The following SESN1 variants were observed in gnomAD, a reference collection of about 807,000 sequenced individuals.
SESN1 encodes the protein sestrin 1, also known as sestrin-1.
In SESN1, 30 loss-of-function variants were observed where a neutral mutation model predicts 59.3. That is an observed-to-expected ratio of 0.51 (90% CI 0.38 to 0.69). The LOEUF is 0.69. Among genes scored for constraint, SESN1 ranks in the 30% least tolerant of loss-of-function variants. The pLI, the probability that SESN1 is intolerant of heterozygous loss-of-function variation, is 0.00. For synonymous variants in SESN1, 197 were observed against 219.9 expected, an observed-to-expected ratio of 0.90 and a Z score of 0.92; for missense variants, 566 against 673.0, an observed-to-expected ratio of 0.84 and a Z score of 1.76.
intron 1 of SESN1, among the ~76,000 whole-genome samples, chr6:109,006,997 A>T (rs1779745795): frequency 6.6e-6 from 1 of 152,250 alleles, no homozygotes; most frequent in Non-Finnish European, 1.5e-5. Context: ...AAGCAGATGT[A>T]GATACTAATC....
At chr6:109,047,139 C>T (rs184605810) in intron 1 of SESN1, among the ~76,000 whole-genome samples, 5 of 33,052 alleles carry the variant, frequency 1.5e-4, no homozygotes, top group Admixed American at 4.9e-4. Context: ...CCCCTCTGCC[C>T]GGCCAGCCGC....
chr6:109,014,461 T>G (rs1401677397), intron 1 of SESN1, among the ~76,000 whole-genome samples: 1 of 152,200 alleles, frequency 6.6e-6, no homozygotes, highest in Non-Finnish European at 1.5e-5. Context: ...TCTGTCAGAA[T>G]CCAAAGCAGC....
intron 5 of SESN1, among the ~76,000 whole-genome samples, chr6:108,995,280 AAAGTAT>A (rs1454030053): frequency 2.0e-5 from 3 of 152,222 alleles, no homozygotes; most frequent in African/African-American, 7.2e-5. Context: ...TAAGATACAC[AAAGTAT>A]AAGTGATTTT....
chr6:109,000,397 ACT>A (rs1358232091), intron 4 of SESN1, 92 bp downstream of exon 4: 7 of 930,642 alleles, frequency 7.5e-6, no homozygotes, highest in Non-Finnish European at 1.1e-5. Flanking sequence ...GAAAATAGGA[ACT>A]CTCTGTACTT....
intron 1 of SESN1, among the ~76,000 whole-genome samples, chr6:109,032,806 A>G (rs1780203424): frequency 6.6e-6 from 1 of 152,270 alleles, no homozygotes; most frequent in East Asian, 1.9e-4. Context: ...CAGGGCTAAG[A>G]TAGGAAGATA....
intron 1 of SESN1, among the ~76,000 whole-genome samples, chr6:109,084,917 C>A (rs943619174): frequency 6.6e-6 from 1 of 151,824 alleles, no homozygotes; most frequent in African/African-American, 2.4e-5. Flanking sequence ...TGAGTCTACT[C>A]GTAATAGACA....
rs756253993 is a variant in SESN1 at position 109,001,419 on chromosome 6, G to A, written c.415C>T (p.Arg139Cys). The A allele has an allele frequency of 2.3e-5, 37 of 1,613,600 alleles. No individual in the cohort carries two copies. The highest frequency in any genetic ancestry group is 1.2e-4 in the South Asian group (11 of 91,074). ...LFADSFAALG[R>C]LDNITLVMVF... ...ATCACTAACGTAATGTTATCCAAAC[G>A]GCCCAAAGCAGCAAAAGAATCTGCA... The change falls in exon 3 of 10, where the codon CGT becomes TGT. Residue 139 changes from arginine (R) to cysteine (C), a missense_variant. Arg to Cys is a radical substitution (Grantham distance 180). Transcript: ENST00000436639.
chr6:109,054,566 G>A (rs1297368752), intron 1 of SESN1, among the ~76,000 whole-genome samples: 3 of 152,030 alleles, frequency 2.0e-5, no homozygotes, highest in Non-Finnish European at 4.4e-5. Context: ...TGACCTACAC[G>A]AGGATTATCT....
At chr6:109,045,507 G>C (rs1385347115) in intron 1 of SESN1, among the ~76,000 whole-genome samples, 1 of 152,184 alleles carries the variant, frequency 6.6e-6, no homozygotes, top group Non-Finnish European at 1.5e-5. Context: ...ATGATACTGA[G>C]TTCAACTTAC....
intron 1 of SESN1, among the ~76,000 whole-genome samples, chr6:109,092,678 T>C (rs1286122530): frequency 6.6e-6 from 1 of 152,106 alleles, no homozygotes. Context: ...ACAAAAATGG[T>C]TGTTACAGTC....
chr6:108,990,709 C>A lies in SESN1; in HGVS notation c.1360G>T (p.Asp454Tyr). The A allele has an allele frequency of 1.2e-6, 2 of 1,614,120 alleles. No individual in the cohort carries two copies. Among genetic ancestry groups the A allele is most frequent in the Non-Finnish European group, 1.7e-6 (2 of 1,180,010 alleles). Residue 454 changes from aspartate to tyrosine, a missense_variant, in exon 8 of 10, where the codon GAT becomes TAT. Coordinates refer to ENST00000436639, the MANE Select transcript of SESN1 (RefSeq NM_014454.3). ...LTYNTMAMHK[D>Y]VDTSMLRRAI... ...CGTCTAAGCATTGAGGTATCAACATCTTTGTGCATTGCCATTGTATTATAA... is the reference window on the plus strand; with the variant it reads ...CGTCTAAGCATTGAGGTATCAACATATTTGTGCATTGCCATTGTATTATAA...
chr6:108,995,266 T>C (rs1191802759), intron 5 of SESN1, among the ~76,000 whole-genome samples: 2 of 152,222 alleles, frequency 1.3e-5, no homozygotes, highest in Non-Finnish European at 2.9e-5. Flanking sequence ...AATCTTTAAA[T>C]AAATAAGATA....
chr6:109,076,125 A>C (rs1425541099), intron 1 of SESN1, among the ~76,000 whole-genome samples: 1 of 152,240 alleles, frequency 6.6e-6, no homozygotes, highest in Non-Finnish European at 1.5e-5. Context: ...ATTGGAATCT[A>C]AGTGCATGTG....
chr6:109,032,619 T>TGGG (rs529065337), intron 1 of SESN1, among the ~76,000 whole-genome samples: 7 of 147,834 alleles, frequency 4.7e-5, no homozygotes, highest in African/African-American at 1.8e-4. Flanking sequence ...CTTCATCTCG[T>TGGG]GGGGGGAGTG....
At chr6:109,034,941 G>C (rs911107021) in intron 1 of SESN1, among the ~76,000 whole-genome samples, 1 of 152,076 alleles carries the variant, frequency 6.6e-6, no homozygotes, top group Admixed American at 6.6e-5. Flanking sequence ...TTTATATCAG[G>C]GTTTCTGTCA....
At chr6:109,015,099 C>T (rs2114357066) in intron 1 of SESN1, among the ~76,000 whole-genome samples, 1 of 152,222 alleles carries the variant, frequency 6.6e-6, no homozygotes, top group East Asian at 1.9e-4. Flanking sequence ...AACTGAAAGC[C>T]TAATAATGAA....
intron 1 of SESN1, among the ~76,000 whole-genome samples, chr6:109,093,229 A>G (rs1051361936): frequency 3.9e-5 from 6 of 152,320 alleles, no homozygotes; most frequent in Admixed American, 3.9e-4. Flanking sequence ...TTGCCATAAA[A>G]GTGTTTCTAT....
chr6:109,069,693 C>G (rs1241113859), intron 1 of SESN1, among the ~76,000 whole-genome samples: 1 of 152,044 alleles, frequency 6.6e-6, no homozygotes, highest in Non-Finnish European at 1.5e-5. Context: ...AGCCGTGTAC[C>G]ACGACACATA....
At chr6:109,022,095 A>C (rs1780021143) in intron 1 of SESN1, among the ~76,000 whole-genome samples, 1 of 151,662 alleles carries the variant, frequency 6.6e-6, no homozygotes, top group Non-Finnish European at 1.5e-5. Flanking sequence ...AACAACATCC[A>C]TATCTTCTTC....
Sources: gnomAD v4.1 joint callset for allele counts (sites outside exome capture counted in the v4.1 genomes callset) on GRCh38, gnomAD v4.1.1 for gene constraint, MANE v1.5 for transcripts, NCBI Gene and HGNC (gene_info 2026-07-23, HGNC 2026-07-21) for gene names.